The following HSD17B12 variants were observed in gnomAD, a reference collection of about 807,000 sequenced individuals.
HSD17B12 encodes very-long-chain 3-oxoacyl-CoA reductase.
Under a neutral mutation model 39.3 loss-of-function variants are expected in HSD17B12, and 32 were observed. The observed-to-expected ratio is 0.81, with a 90% CI of 0.61 to 1.09. The LOEUF is 1.09. HSD17B12 is among the 50% of genes least tolerant of loss of function. The pLI, the probability that HSD17B12 is intolerant of heterozygous loss-of-function variation, is 0.00. For missense variants in HSD17B12, 342 were observed against 382.9 expected (o/e 0.89, Z 0.89); for synonymous variants, 150 against 146.7 (o/e 1.02, Z -0.16).
At chr11:43,785,905 C>T (rs1452241450) in intron 3 of HSD17B12, among the ~76,000 whole-genome samples, 1 of 152,184 alleles carries the variant, frequency 6.6e-6, no homozygotes, top group Non-Finnish European at 1.5e-5. Flanking sequence ...AATGTTGACA[C>T]AGTATCAAAG....
At chr11:43,690,404 A>ATATTTTTTTTTTTTTT (rs1554959942) in intron 1 of HSD17B12, among the ~76,000 whole-genome samples, 4 of 24,956 alleles carry the variant, frequency 1.6e-4, no homozygotes, top group African/African-American at 3.8e-4. Context: ...ATATATATAT[A>ATATTTTTTTTTTTTTT]TTTTTTTTTT....
At chr11:43,676,975 G>T (rs2134726024), upstream of HSD17B12, among the ~76,000 whole-genome samples, 3 of 152,270 alleles carry the variant, frequency 2.0e-5, no homozygotes, top group African/African-American at 7.2e-5. Context: ...CAAAGATTTG[G>T]GGAAGAGGGA....
rs534000873 is a variant in HSD17B12 at position 43,842,217 on chromosome 11, A to T, written c.684+2153A>T. ...CCTCCTTTATGCCTGTAGAGCATCA[A>T]GATGGGTGTAAATGTCATGTAGATG... On this transcript the variant is annotated intron_variant, in intron 9 of 10. Coordinates refer to ENST00000278353, the MANE Select transcript of HSD17B12 (RefSeq NM_016142.3). 2.6e-5 allele frequency among the ~76,000 whole-genome samples: 4 copies of T among 152,322 alleles called. No individual in the cohort carries two copies. In the East Asian group the frequency reaches 7.7e-4, roughly 29 times the overall value.
intron 1 of HSD17B12, chr11:43,734,109 C>A: frequency 8.2e-7 from 1 of 1,225,828 alleles, no homozygotes; most frequent in Non-Finnish European, 1.2e-6. Context: ...TGAGCGTGTG[C>A]TGCCGTCCAT....
At chr11:43,642,009 T>C in the HSD17B12 span, among the ~76,000 whole-genome samples, 1 of 151,866 alleles carries the variant, frequency 6.6e-6, no homozygotes, top group Admixed American at 6.6e-5. Context: ...GATTGCAATG[T>C]TTGTCTTCTA....
intron 9 of HSD17B12, among the ~76,000 whole-genome samples, chr11:43,845,243 CA>C (rs1951464096): frequency 6.6e-6 from 1 of 152,244 alleles, no homozygotes; most frequent in Admixed American, 6.5e-5. Flanking sequence ...ATTGGCTTCC[CA>C]AAGTGCTGAG....
the HSD17B12 span, among the ~76,000 whole-genome samples, chr11:43,657,702 T>C: frequency 1.3e-5 from 2 of 152,220 alleles, no homozygotes; most frequent in Admixed American, 6.5e-5. Flanking sequence ...TTGAAAATTC[T>C]TTCCTTTAAG....
intron 1 of HSD17B12, among the ~76,000 whole-genome samples, chr11:43,728,058 GTTTGTTTTTTGTTTT>G (rs1565065895): frequency 2.0e-5 from 3 of 150,664 alleles, no homozygotes; most frequent in Non-Finnish European, 4.4e-5. Context: ...TTTTTTTTTT[GTTTGTTTTTTGTTTT>G]TTTGTTTTTT....
the HSD17B12 span, among the ~76,000 whole-genome samples, chr11:43,588,638 A>T: frequency 3.2e-5 from 2 of 62,838 alleles, no homozygotes; most frequent in African/African-American, 8.9e-5. Context: ...TTATTATTAT[A>T]GTGTTCTCTT....
intron 1 of HSD17B12, among the ~76,000 whole-genome samples, chr11:43,727,963 G>C (rs935237809): frequency 2.0e-5 from 3 of 151,884 alleles, no homozygotes; most frequent in African/African-American, 7.3e-5. Context: ...GTGTTTTTCT[G>C]TCTGAGGCTT....
chr11:43,636,810 C>T, the HSD17B12 span, among the ~76,000 whole-genome samples: 14 of 151,948 alleles, frequency 9.2e-5, no homozygotes, highest in Non-Finnish European at 1.6e-4. Flanking sequence ...TGAAGATATT[C>T]GTAATATGCC....
At chr11:43,771,374 A>G (rs920823759) in intron 3 of HSD17B12, among the ~76,000 whole-genome samples, 1 of 152,062 alleles carries the variant, frequency 6.6e-6, no homozygotes, top group Non-Finnish European at 1.5e-5. Flanking sequence ...CGTGACTATG[A>G]ACAATACTGT....
chr11:43,563,273 G>C, the HSD17B12 span, among the ~76,000 whole-genome samples: 1 of 152,208 alleles, frequency 6.6e-6, no homozygotes, highest in Non-Finnish European at 1.5e-5. Context: ...AGCACTCGTA[G>C]TCCAGAGATG....
chr11:43,619,245 A>AATCC, the HSD17B12 span, among the ~76,000 whole-genome samples: 1 of 70,742 alleles, frequency 1.4e-5, no homozygotes, highest in African/African-American at 4.3e-5. Context: ...ATATATATAA[A>AATCC]ATATATATAT....
the HSD17B12 span, among the ~76,000 whole-genome samples, chr11:43,623,493 G>A: frequency 3.3e-5 from 5 of 151,118 alleles, no homozygotes; most frequent in African/African-American, 9.7e-5. Flanking sequence ...AAAAGACTTC[G>A]GCAAAATATA....
intron 3 of HSD17B12, among the ~76,000 whole-genome samples, chr11:43,773,272 C>G (rs1950667292): frequency 6.6e-6 from 1 of 152,094 alleles, no homozygotes; most frequent in Non-Finnish European, 1.5e-5. Flanking sequence ...GAGATAAGGT[C>G]TTGCTTTGTC....
At chr11:43,744,467 A>G (rs1402465805) in intron 1 of HSD17B12, among the ~76,000 whole-genome samples, 1 of 152,220 alleles carries the variant, frequency 6.6e-6, no homozygotes, top group Non-Finnish European at 1.5e-5. Context: ...TTTTTTGTTA[A>G]AAATGATTTC....
At chr11:43,848,980 C>T (rs1006488424) in intron 9 of HSD17B12, among the ~76,000 whole-genome samples, 13 of 152,158 alleles carry the variant, frequency 8.5e-5, no homozygotes, top group African/African-American at 3.1e-4. Context: ...CCCCTATAGC[C>T]TACTCATAGC....
chr11:43,682,285 G>GAA (rs1949753704), intron 1 of HSD17B12, among the ~76,000 whole-genome samples: 2 of 152,194 alleles, frequency 1.3e-5, no homozygotes, highest in African/African-American at 4.8e-5. Context: ...GGGTGTGATG[G>GAA]CTCACGCCTG....
Sources: gnomAD v4.1 joint callset for allele counts (sites outside exome capture counted in the v4.1 genomes callset) on GRCh38, gnomAD v4.1.1 for gene constraint, MANE v1.5 for transcripts, NCBI Gene and HGNC (gene_info 2026-07-23, HGNC 2026-07-21) for gene names.